Variants in HOMEZ observed in about 807,000 individuals in gnomAD.
HOMEZ encodes homeobox and leucine zipper encoding.
HOMEZ carries 20 observed loss-of-function variants against 50.1 expected under a neutral mutation model. The ratio of observed to expected loss-of-function variants is 0.40; its 90% confidence interval spans 0.28 to 0.58. The LOEUF (loss-of-function observed/expected upper bound fraction) is 0.58. HOMEZ is among the 20% of genes least tolerant of loss of function. The pLI is 0.46. For synonymous variants in HOMEZ, 239 were observed against 254.7 expected, an observed-to-expected ratio of 0.94 and a Z score of 0.59; for missense variants, 579 against 680.5, an observed-to-expected ratio of 0.85 and a Z score of 1.66.
chr14:23,274,093 T>C lies in HOMEZ; in HGVS notation c.*1482A>G, dbSNP rs1886280613. The C allele has an allele frequency of 6.6e-6, 1 of 152,652 alleles. No homozygotes were observed. Among genetic ancestry groups the C allele is most frequent in the African/African-American group, 2.4e-5 (1 of 41,454 alleles). 9.5% of individuals were successfully genotyped at this position (152,652 alleles called of 1,614,324 possible). A position where few individuals can be genotyped will look rare whatever the true frequency, so the allele number is the denominator to read the frequency against. The stretch of plus-strand genomic sequence containing the variant: ...CCTTTTTATTATTATTCTAGCATTT[T>C]AGGGCTTCCACTCTTTTATTTTTAG... On this transcript the variant is annotated 3_prime_UTR_variant, in exon 2 of 2. Transcript: ENST00000357460.
At position 23,281,799 on chromosome 14, in the gene HOMEZ, A is replaced by AAATAATAATAAT. The variant is rs55828215; in HGVS notation, c.40+4102_40+4113dup. On this transcript the variant is annotated intron_variant, in intron 1 of 1. Coordinates refer to ENST00000357460, the MANE Select transcript of HOMEZ (RefSeq NM_020834.3). ...GGCAACATGGTGAAACTGTCTCTAC[A>AAATAATAATAAT]AATAATAATAATAATAATAATAATA... Among the ~76,000 whole-genome samples the AAATAATAATAAT allele has an allele frequency of 1.1e-3, 154 of 137,442 alleles. 1 individual carries two copies. Among genetic ancestry groups the AAATAATAATAAT allele is most frequent in the African/African-American group, 2.8e-3 (101 of 36,376 alleles). 90.2% of individuals were successfully genotyped at this position (137,442 alleles called of 152,430 possible). A position where few individuals can be genotyped will look rare whatever the true frequency, so the allele number is the denominator to read the frequency against.
Position 23,285,976 on chromosome 14 carries a change from G to C in HOMEZ, c.-24C>G, listed in dbSNP as rs1483204889. On this transcript the variant is annotated 5_prime_UTR_variant, in exon 1 of 2. Coordinates refer to ENST00000357460, the MANE Select transcript of HOMEZ (RefSeq NM_020834.3). The stretch of plus-strand genomic sequence containing the variant: ...ATGGGCCGGGGGGAAGTGGGGGAGA[G>C]GGCAGGGGGCCTCCGAGTGGGAGTG... 1 of 1,238,032 alleles carries C rather than the reference G, an allele frequency of 8.1e-7. No individual in the cohort carries two copies. The highest frequency in any genetic ancestry group is 1.0e-6 in the Non-Finnish European group (1 of 985,060). 76.7% of individuals were successfully genotyped at this position (1,238,032 alleles called of 1,614,324 possible).
chr14:23,280,869 G>A (rs34529371), intron 1 of HOMEZ, among the ~76,000 whole-genome samples: 20,533 of 148,570 alleles, frequency 0.14, 1,843 homozygotes, highest in Non-Finnish European at 0.19. Flanking sequence ...CGCCTCCTGG[G>A]TTCAAGTGAT....
chr14:23,281,927 G>A (rs1341446422), intron 1 of HOMEZ, among the ~76,000 whole-genome samples: 1 of 151,924 alleles, frequency 6.6e-6, no homozygotes, highest in East Asian at 1.9e-4. Flanking sequence ...CTGGGAGGTG[G>A]AGGTTGCAGT....
chr14:23,281,799 AAAT>A (rs55828215), intron 1 of HOMEZ, among the ~76,000 whole-genome samples: 4,904 of 137,374 alleles, frequency 0.036, 96 homozygotes, highest in East Asian at 0.09. Context: ...CTGTCTCTAC[AAAT>A]AATAATAATA....
Position 23,272,666 on chromosome 14 carries a change from G to T in HOMEZ, c.*2909C>A, listed in dbSNP as rs1886193604. The stretch of plus-strand genomic sequence containing the variant: ...GTCACACTAGATGTAGCAAATCCTA[G>T]TTTGGAAAAGTTAGTTATCATGCAA... On this transcript the variant is annotated 3_prime_UTR_variant, in exon 2 of 2. Transcript: ENST00000357460. 4.7e-6 allele frequency: 3 copies of T among 642,054 alleles called. No individual in the cohort carries two copies. The African/African-American group carries it at 5.5e-5, about 12-fold the overall frequency. The allele number at this position is 642,054 out of a possible 1,614,324, so 39.8% of individuals were successfully genotyped here. A position where few individuals can be genotyped will look rare whatever the true frequency, so the allele number is the denominator to read the frequency against.
chr14:23,282,096 C>A (rs1378477376), intron 1 of HOMEZ, among the ~76,000 whole-genome samples: 1 of 152,068 alleles, frequency 6.6e-6, no homozygotes, highest in Non-Finnish European at 1.5e-5. Context: ...CAATAAATAG[C>A]AGCTTTTATC....
chr14:23,279,600 A>C (rs989086302), intron 1 of HOMEZ, among the ~76,000 whole-genome samples: 1 of 152,212 alleles, frequency 6.6e-6, no homozygotes, highest in African/African-American at 2.4e-5. Flanking sequence ...AAGGAAGTTA[A>C]GTTTAAAAGT....
chr14:23,275,664 C>CCTCCTCCTCTTCCT lies in HOMEZ; in HGVS notation c.1550_1563dup (p.Glu522ArgfsTer30). On this transcript the variant is annotated frameshift_variant, in exon 2 of 2. Transcript: ENST00000357460. LOFTEE classifies it high-confidence loss of function. ...TCCTCATCATCTTCTGGCAGTTCTT[C>CCTCCTCCTCTTCCT]CTCCTCCTCTTCCTCTTCTTCATCT... The CCTCCTCCTCTTCCT allele has an allele frequency of 6.3e-7, 1 of 1,574,844 alleles. No individual in the cohort carries two copies. The highest frequency in any genetic ancestry group is 1.2e-5 in the South Asian group (1 of 86,378).
At chr14:23,279,856 C>T (rs1360070371) in intron 1 of HOMEZ, among the ~76,000 whole-genome samples, 1 of 152,178 alleles carries the variant, frequency 6.6e-6, no homozygotes, top group Non-Finnish European at 1.5e-5. Flanking sequence ...AATCATAATG[C>T]ACTACAGCCT....
In HOMEZ at chr14:23,275,583, G is replaced by C. The variant is rs1412594782; in HGVS notation, c.1645C>G (p.Gln549Glu). 3.2e-6 allele frequency: 5 copies of C among 1,544,644 alleles called. No homozygotes were observed. The highest frequency in any genetic ancestry group is 3.5e-6 in the Non-Finnish European group (4 of 1,144,862). ...CTCCCCCAGCTCCCCACTCAGTCTTGTATGATCACATCATCATCATCATCA... is the reference window on the plus strand; with the variant it reads ...CTCCCCCAGCTCCCCACTCAGTCTTCTATGATCACATCATCATCATCATCA... ...DDDDDDDVII[Q>E]D Residue 549 changes from glutamine to glutamate, a missense_variant, in exon 2 of 2, where the codon CAA (glutamine) becomes GAA (glutamate). Transcript: ENST00000357460.
Position 23,280,709 on chromosome 14 carries a change from A to ATTTTATTTTATTT in HOMEZ, c.41-3523_41-3522insAAATAAAATAAAA, listed in dbSNP as rs1594964856. Among the ~76,000 whole-genome samples the ATTTTATTTTATTT allele has an allele frequency of 9.3e-3, 462 of 49,648 alleles. 33 individuals carry two copies. The highest frequency in any genetic ancestry group is 0.025 in the African/African-American group (441 of 17,864). 32.6% of individuals were successfully genotyped at this position (49,648 alleles called of 152,430 possible). A position where few individuals can be genotyped will look rare whatever the true frequency, so the allele number is the denominator to read the frequency against. On this transcript the variant is annotated intron_variant, in intron 1 of 1. Transcript: ENST00000357460. ...ATTTTATTTTTATTTTTATATTTTT[A>ATTTTATTTTATTT]TTTTTATTTTATTTTATTTTATTTT...
rs556443892 is a variant in HOMEZ, at chr14:23,275,453, A to G, written c.*122T>C. 267 of 1,325,112 alleles carry G rather than the reference A, an allele frequency of 2.0e-4. 2 individuals are homozygous for G. The East Asian group carries it at 6.7e-3, about 33-fold the overall frequency. 82.1% of individuals were successfully genotyped at this position (1,325,112 alleles called of 1,614,324 possible). On this transcript the variant is annotated 3_prime_UTR_variant, in exon 2 of 2. Coordinates refer to ENST00000357460, the MANE Select transcript of HOMEZ (RefSeq NM_020834.3). ...TATATCCCCCTGCCACCCACCCTGA[A>G]GAACACAAAGCTTTTTAGTTCTCTG...
At position 23,276,789 on chromosome 14, in the gene HOMEZ, G is replaced by A. The variant is rs750934524; in HGVS notation, c.439C>T (p.Arg147Trp). 28 of 1,614,050 alleles carry A rather than the reference G, an allele frequency of 1.7e-5. No homozygotes were observed. Among genetic ancestry groups the A allele is most frequent in the East Asian group, 1.6e-4 (7 of 44,890 alleles). The change falls in exon 2 of 2, where the codon CGG becomes TGG. Residue 147 changes from arginine to tryptophan, a missense_variant. Physicochemically the swap from Arg to Trp is moderately radical, Grantham distance 101. Coordinates refer to ENST00000357460, the MANE Select transcript of HOMEZ (RefSeq NM_020834.3). This position sits in a 1 kb window ranked among gnomAD's most constrained non-coding sequence, Gnocchi z 4.1. ...SLLSFTHHAG[R>W]PPEEVPPPPV... ...GGAGGAGGCACCTCCTCTGGGGGCC[G>A]TCCCGCATGATGAGTAAAAGAGAGA...
At position 23,273,957 on chromosome 14, in the gene HOMEZ, A is replaced by C. The variant is rs554397756; in HGVS notation, c.*1618T>G. 13 of 152,780 alleles carry C rather than the reference A, an allele frequency of 8.5e-5. No individual in the cohort carries two copies. The highest frequency in any genetic ancestry group is 8.5e-4 in the Admixed American group (13 of 15,308). The allele number at this position is 152,780 out of a possible 1,614,324, so 9.5% of individuals were successfully genotyped here. A position where few individuals can be genotyped will look rare whatever the true frequency, so the allele number is the denominator to read the frequency against. On this transcript the variant is annotated 3_prime_UTR_variant, in exon 2 of 2. Transcript: ENST00000357460. ...TTACCTCAATAAGTCCTGCCCCTCCAAACAATAAGTTAAAAGTATGCTGAG... is the reference window on the plus strand; with the variant it reads ...TTACCTCAATAAGTCCTGCCCCTCCCAACAATAAGTTAAAAGTATGCTGAG...
rs562751240 is a variant in HOMEZ, at chr14:23,274,719, A to C, written c.*856T>G. 1 of 152,264 alleles carries C rather than the reference A, an allele frequency of 6.6e-6. No individual in the cohort carries two copies. Among genetic ancestry groups the C allele is most frequent in the Non-Finnish European group, 1.5e-5 (1 of 68,072 alleles). The allele number at this position is 152,264 out of a possible 1,614,324, so 9.4% of individuals were successfully genotyped here. On this transcript the variant is annotated 3_prime_UTR_variant, in exon 2 of 2. Transcript: ENST00000357460. ...TCAGGAGATCAAGACCATCCTGGCT[A>C]ACATGATGAAACCCGTCTCTACTAA...
chr14:23,281,799 A>AAATAAT (rs55828215), intron 1 of HOMEZ, among the ~76,000 whole-genome samples: 10,622 of 137,290 alleles, frequency 0.077, 422 homozygotes, highest in African/African-American at 0.086. Context: ...CTGTCTCTAC[A>AAATAAT]AATAATAATA....
chr14:23,280,779 T>TTTATTTTATTTTATTTTATTTTA (rs1491191017), intron 1 of HOMEZ, among the ~76,000 whole-genome samples: 1 of 131,968 alleles, frequency 7.6e-6, no homozygotes, highest in African/African-American at 3.0e-5. Context: ...TTTTATTTTA[T>TTTATTTTATTTTATTTTATTTTA]TTTATTTTAT....
chr14:23,280,054 C>T lies in HOMEZ; in HGVS notation c.41-2867G>A, dbSNP rs534375881. ...AAGGTAGGACAGCACTGTCCTCTGC[C>T]CAGCCCCCCTTTTTTCTTTCCCTTC... On this transcript the variant is annotated intron_variant, in intron 1 of 1. Coordinates refer to ENST00000357460, the MANE Select transcript of HOMEZ (RefSeq NM_020834.3). Among the ~76,000 whole-genome samples the T allele has an allele frequency of 2.3e-3, 342 of 151,978 alleles. 1 individual carries two copies. Among genetic ancestry groups the T allele is most frequent in the African/African-American group, 7.9e-3 (329 of 41,432 alleles).
Sources: allele counts gnomAD v4.1 joint callset (sites outside exome capture counted in the v4.1 genomes callset), GRCh38; gene constraint gnomAD v4.1.1; non-coding constraint Gnocchi (gnomAD v3.1); transcripts MANE v1.5; gene names NCBI Gene and HGNC (gene_info 2026-07-23, HGNC 2026-07-21).